Variants in NIPSNAP2 observed in about 807,000 individuals in gnomAD.
NIPSNAP2 encodes nipsnap homolog 2.
NIPSNAP2 carries 42 observed loss-of-function variants against 48.4 expected under a neutral mutation model. The observed-to-expected ratio is 0.87, with a 90% confidence interval of 0.68 to 1.12. The LOEUF (loss-of-function observed/expected upper bound fraction) is 1.12, where lower values mean the gene tolerates loss of function less well. Among genes scored for constraint, NIPSNAP2 ranks in the 50% most tolerant of loss-of-function variants. NIPSNAP2 has a pLI of 0.00. For missense variants in NIPSNAP2, 314 were observed against 347.3 expected (o/e 0.90, Z 0.76); for synonymous variants, 158 against 126.6 (o/e 1.25, Z -1.67).
At chr7:55,982,166 T>G in intron 4 of NIPSNAP2, 44 bp from the exon 5 acceptor site, 2 of 1,219,514 alleles carry the variant, frequency 1.6e-6, no homozygotes, top group Non-Finnish European at 2.4e-6. Context: ...AGTAGTAGTA[T>G]CATGAAATTC....
At chr7:55,990,991 A>G (rs1036821294) in intron 7 of NIPSNAP2, among the ~76,000 whole-genome samples, 1 of 151,892 alleles carries the variant, frequency 6.6e-6, no homozygotes, top group South Asian at 2.1e-4. Context: ...GAGTTTCGCC[A>G]TGTTGGCCAG....
chr7:55,995,572 C>T (rs565394969), intron 8 of NIPSNAP2, among the ~76,000 whole-genome samples: 2 of 152,264 alleles, frequency 1.3e-5, no homozygotes, highest in East Asian at 1.9e-4. Context: ...ATTACCGTTG[C>T]GGCTGTATAT....
chr7:55,981,242 C>T, intron 3 of NIPSNAP2: 1 of 314,602 alleles, frequency 3.2e-6, no homozygotes, highest in South Asian at 6.5e-5. Context: ...GATTGAACAA[C>T]TCTTCTAGAT....
intron 3 of NIPSNAP2, chr7:55,979,485 G>A (rs762247218): frequency 3.6e-5 from 9 of 248,768 alleles, no homozygotes; most frequent in South Asian, 9.9e-5. Context: ...TACTCAGCCC[G>A]TTCCTTAGTT....
intron 1 of NIPSNAP2, among the ~76,000 whole-genome samples, chr7:55,973,475 T>G (rs1453465501): frequency 6.6e-6 from 1 of 151,826 alleles, no homozygotes; most frequent in Non-Finnish European, 1.5e-5. Context: ...TATTTTATTT[T>G]ATTATTATTA....
At chr7:55,985,695 A>G (rs544691922) in intron 7 of NIPSNAP2, among the ~76,000 whole-genome samples, 2 of 151,490 alleles carry the variant, frequency 1.3e-5, no homozygotes, top group Non-Finnish European at 2.9e-5. Context: ...GCAGTGAGCC[A>G]AGATTGCACC....
chr7:55,991,054 G>A (rs1170077022), intron 7 of NIPSNAP2, among the ~76,000 whole-genome samples: 3 of 152,060 alleles, frequency 2.0e-5, no homozygotes, highest in East Asian at 3.9e-4. Flanking sequence ...GCATCCCAAA[G>A]TGCTGGGATT....
rs529263642 is a variant in NIPSNAP2 at position 55,999,128 on chromosome 7, A to G, written c.*56A>G. The G allele has an allele frequency of 5.7e-6, 8 of 1,395,364 alleles. No homozygotes were observed. The highest frequency in any genetic ancestry group is 4.3e-5 in the African/African-American group (3 of 70,026). The allele number at this position is 1,395,364 out of a possible 1,614,324, so 86.4% of individuals were successfully genotyped here. A position where few individuals can be genotyped will look rare whatever the true frequency, so the allele number is the denominator to read the frequency against. ...TTTCTGTGACAAGTATTTGTCGTAAATTAATTTTAATTGTGTATCAAGTGA... is the reference window on the plus strand; with the variant it reads ...TTTCTGTGACAAGTATTTGTCGTAAGTTAATTTTAATTGTGTATCAAGTGA... On this transcript the variant is annotated 3_prime_UTR_variant, in exon 10 of 10. Transcript: ENST00000322090.
In NIPSNAP2 at chr7:55,999,423, T is replaced by TA. The variant is rs1217770261; in HGVS notation, c.*359dup. 5.0e-5 allele frequency: 9 copies of TA among 181,574 alleles called. No homozygotes were observed. The highest frequency in any genetic ancestry group is 1.4e-4 in the East Asian group (1 of 7,318). The allele number at this position is 181,574 out of a possible 1,614,324, so 11.2% of individuals were successfully genotyped here. A position where few individuals can be genotyped will look rare whatever the true frequency, so the allele number is the denominator to read the frequency against. On this transcript the variant is annotated 3_prime_UTR_variant, in exon 10 of 10. Transcript: ENST00000322090. ...AAAAAAAATTTAGCCATTTCTTTAC[T>TA]AAAAAAAACCAAAAAACAAATCTGT...
chr7:55,978,883 A>C (rs1787156854), intron 3 of NIPSNAP2: 1 of 153,862 alleles, frequency 6.5e-6, no homozygotes, highest in Admixed American at 6.4e-5. Flanking sequence ...CCAGGATCCA[A>C]GTCCCTTCCG....
chr7:55,967,692 A>G (rs908008745), intron 1 of NIPSNAP2, among the ~76,000 whole-genome samples: 3 of 151,722 alleles, frequency 2.0e-5, no homozygotes, highest in African/African-American at 7.3e-5. Flanking sequence ...TCTGTTGCCC[A>G]GGCTGGAGTT....
At chr7:55,990,539 G>C (rs762223564) in intron 7 of NIPSNAP2, among the ~76,000 whole-genome samples, 2 of 151,756 alleles carry the variant, frequency 1.3e-5, no homozygotes, top group Non-Finnish European at 2.9e-5. Context: ...CCTGTTTTTT[G>C]TTTTTAGGGG....
chr7:55,991,623 C>G (rs962052270), intron 7 of NIPSNAP2, among the ~76,000 whole-genome samples: 2 of 151,686 alleles, frequency 1.3e-5, no homozygotes, highest in South Asian at 2.1e-4. Flanking sequence ...TGGTGCATGC[C>G]TGTAATCCCA....
chr7:55,964,634 C>G lies in NIPSNAP2; in HGVS notation c.25C>G (p.Arg9Gly). ...GATGGCGGCGCGAGTGCTGCGCGCCCGCGGAGCGGCCTGGGCCGGCGGCCT... is the reference window on the plus strand; with the variant it reads ...GATGGCGGCGCGAGTGCTGCGCGCCGGCGGAGCGGCCTGGGCCGGCGGCCT... The part of the protein sequence containing the change: MAARVLRA[R>G]GAAWAGGLLQ... Residue 9 changes from arginine to glycine, a missense_variant, in exon 1 of 10, where the codon CGC becomes GGC. By Grantham distance (125) the Arg-to-Gly change is moderately radical (BLOSUM62 -2). This residue lies in a region of NIPSNAP2 where 198 missense variants were observed against 185.5 expected (regional missense o/e 1.07). Transcript: ENST00000322090. 1.9e-6 allele frequency: 2 copies of G among 1,070,096 alleles called. No individual in the cohort carries two copies. Among genetic ancestry groups the G allele is most frequent in the Non-Finnish European group, 2.3e-6 (2 of 886,080 alleles). 66.3% of individuals were successfully genotyped at this position (1,070,096 alleles called of 1,614,324 possible).
chr7:55,986,926 C>T (rs1398709137), intron 7 of NIPSNAP2, among the ~76,000 whole-genome samples: 4 of 140,984 alleles, frequency 2.8e-5, no homozygotes, highest in East Asian at 2.3e-4. Flanking sequence ...GCAGGAGGAT[C>T]GCTTGATGCT....
intron 1 of NIPSNAP2, among the ~76,000 whole-genome samples, chr7:55,974,262 AAAAAAG>A (rs1388867813): frequency 0.021 from 1,753 of 83,100 alleles, 44 homozygotes; most frequent in African/African-American, 0.048. Context: ...TTTAAGCAAA[AAAAAAG>A]AAAGAAAGAA....
intron 1 of NIPSNAP2, among the ~76,000 whole-genome samples, chr7:55,977,076 A>G (rs922848025): frequency 7.1e-6 from 1 of 141,670 alleles, no homozygotes; most frequent in East Asian, 2.0e-4. Context: ...TTGATTTTTA[A>G]AGTTAATTTT....
rs1419231248 is a variant in NIPSNAP2, at chr7:55,983,962, G to A, written c.585+94G>A. 8.2e-6 allele frequency: 8 copies of A among 981,526 alleles called. No individual in the cohort carries two copies. In the East Asian group the frequency reaches 1.8e-4, roughly 22 times the overall value. 60.8% of individuals were successfully genotyped at this position (981,526 alleles called of 1,614,324 possible). On this transcript the variant is annotated intron_variant, in intron 6 of 9. Coordinates refer to ENST00000322090, the MANE Select transcript of NIPSNAP2 (RefSeq NM_001483.3). The stretch of plus-strand genomic sequence containing the variant: ...ACAACAGAACTTGTGTGTACATTCT[G>A]TGATGTATGTCTAGCATTATATGTA...
intron 1 of NIPSNAP2, among the ~76,000 whole-genome samples, chr7:55,971,415 C>G (rs986074929): frequency 2.6e-5 from 4 of 152,172 alleles, no homozygotes; most frequent in African/African-American, 9.7e-5. Flanking sequence ...AGCATTGTCA[C>G]ATCCCTTACC....
Sources: allele counts gnomAD v4.1 joint callset (sites outside exome capture counted in the v4.1 genomes callset), GRCh38; gene constraint gnomAD v4.1.1; regional missense constraint gnomAD v4.1.1; transcripts MANE v1.5; gene names NCBI Gene and HGNC (gene_info 2026-07-23, HGNC 2026-07-21).